The following SLC27A6 variants were observed in gnomAD, a reference collection of about 807,000 sequenced individuals.
The protein encoded by SLC27A6 is long-chain fatty acid transport protein 6.
SLC27A6 carries 74 observed loss-of-function variants against 63.9 expected under a neutral mutation model. The observed-to-expected ratio is 1.16, with a 90% CI of 0.96 to 1.40. The LOEUF is 1.40. SLC27A6 is among the 40% of genes most tolerant of loss of function. The probability of loss-of-function intolerance (pLI) is 0.00; values close to 1 mark genes in which losing one functional copy is unlikely to be tolerated. For synonymous variants in SLC27A6, 287 were observed against 260.8 expected, an observed-to-expected ratio of 1.10 and a Z score of -0.97; for missense variants, 794 against 732.9, an observed-to-expected ratio of 1.08 and a Z score of -0.96.
chr5:128,973,372 C>T (rs1170104390), intron 1 of SLC27A6, among the ~76,000 whole-genome samples: 1 of 152,178 alleles, frequency 6.6e-6, no homozygotes, highest in South Asian at 2.1e-4. Flanking sequence ...TGCCCTGCCC[C>T]CAGAGGTAGA....
chr5:128,992,468 C>T (rs1001288307), intron 4 of SLC27A6, among the ~76,000 whole-genome samples: 12 of 152,152 alleles, frequency 7.9e-5, no homozygotes, highest in African/African-American at 7.2e-5. Context: ...AACCTCCAGT[C>T]GAGCTTCTGA....
intron 4 of SLC27A6, among the ~76,000 whole-genome samples, chr5:128,994,171 A>C (rs1275528730): frequency 6.6e-6 from 1 of 152,096 alleles, no homozygotes. Context: ...TGTCTCAAAA[A>C]AAAAATTAAT....
Position 129,027,300 on chromosome 5 carries a change from T to A in SLC27A6, c.1423T>A (p.Tyr475Asn). ...AGTCCAGGATCAGGACAATTTCCTT[T>A]ATTTTTGGGACCGTACTGGAGACAC... is the stretch of plus-strand genomic sequence containing the variant. ...LIVQDQDNFLYFWDRTGDTFR... is the reference protein window; with the variant it reads ...LIVQDQDNFLNFWDRTGDTFR... Residue 475 changes from tyrosine (Y) to asparagine (N), a missense_variant, in exon 7 of 10, where the codon TAT becomes AAT. By Grantham distance (143) the Tyr-to-Asn change is moderately radical. Transcript: ENST00000262462. 1 of 1,612,900 alleles carries A rather than the reference T, an allele frequency of 6.2e-7. No homozygotes were observed. Among genetic ancestry groups the A allele is most frequent in the Non-Finnish European group, 8.5e-7 (1 of 1,179,138 alleles).
chr5:129,001,239 C>T (rs1751322253), intron 4 of SLC27A6, among the ~76,000 whole-genome samples: 1 of 152,180 alleles, frequency 6.6e-6, no homozygotes, highest in South Asian at 2.1e-4. Context: ...TCTCTCCCCA[C>T]ACCACTCCTT....
At chr5:128,972,138 A>C (rs1021615367) in intron 1 of SLC27A6, among the ~76,000 whole-genome samples, 14 of 152,172 alleles carry the variant, frequency 9.2e-5, no homozygotes, top group Non-Finnish European at 1.5e-4. Context: ...ATCAGCTGTT[A>C]GTCTGATGGG....
intron 4 of SLC27A6, among the ~76,000 whole-genome samples, chr5:129,001,497 A>T (rs1349396567): frequency 6.6e-6 from 1 of 152,182 alleles, no homozygotes; most frequent in African/African-American, 2.4e-5. Flanking sequence ...TATATATATA[A>T]TTGTGAGCAG....
At chr5:129,005,608 ATTTTT>A (rs34048257) in intron 4 of SLC27A6, among the ~76,000 whole-genome samples, 1 of 98,914 alleles carries the variant, frequency 1.0e-5, no homozygotes. Context: ...GTCTGGTTGT[ATTTTT>A]TTTTTTTTTT....
At chr5:128,995,492 A>G (rs2150139154) in intron 4 of SLC27A6, among the ~76,000 whole-genome samples, 2 of 152,366 alleles carry the variant, frequency 1.3e-5, no homozygotes, top group Middle Eastern at 6.8e-3. Flanking sequence ...AAAGGTTATG[A>G]AGAAACAAAA....
chr5:129,023,539 A>G, intron 5 of SLC27A6, 81 bp from the exon 6 acceptor site: 1 of 910,388 alleles, frequency 1.1e-6, no homozygotes, highest in Non-Finnish European at 1.7e-6. Flanking sequence ...CTACTACAGT[A>G]GACTAAATTG....
chr5:128,973,251 T>C (rs572344481), intron 1 of SLC27A6, among the ~76,000 whole-genome samples: 5 of 152,336 alleles, frequency 3.3e-5, no homozygotes, highest in Non-Finnish European at 4.4e-5. Context: ...GGAGGCAGTC[T>C]GTCGGTTCTC....
At chr5:128,999,657 C>T (rs971089541) in intron 4 of SLC27A6, among the ~76,000 whole-genome samples, 1 of 152,130 alleles carries the variant, frequency 6.6e-6, no homozygotes, top group Non-Finnish European at 1.5e-5. Context: ...TTGTTTACTC[C>T]AGCCTATCTG....
intron 3 of SLC27A6, among the ~76,000 whole-genome samples, chr5:128,989,517 A>G (rs1750902418): frequency 6.6e-6 from 1 of 152,232 alleles, no homozygotes. Context: ...ATTAAAAGAC[A>G]TTAAAATCTT....
chr5:128,994,104 G>T (rs1181985), intron 4 of SLC27A6, among the ~76,000 whole-genome samples: 49,454 of 151,638 alleles, frequency 0.33, 8,245 homozygotes, highest in Middle Eastern at 0.39. Flanking sequence ...TGAGGTGGAG[G>T]TTGTGTGAGC....
At chr5:128,991,761 C>T (rs1750991244) in intron 4 of SLC27A6, among the ~76,000 whole-genome samples, 1 of 150,950 alleles carries the variant, frequency 6.6e-6, no homozygotes, top group Non-Finnish European at 1.5e-5. Flanking sequence ...GCACTTGTCT[C>T]CTTAACTGAA....
At chr5:129,031,539 A>G (rs1241290985) in intron 9 of SLC27A6, among the ~76,000 whole-genome samples, 1 of 151,996 alleles carries the variant, frequency 6.6e-6, no homozygotes, top group African/African-American at 2.4e-5. Flanking sequence ...AACAGTTTGC[A>G]TATATTTTGA....
chr5:129,021,766 A>G lies in SLC27A6; in HGVS notation c.1165-1854A>G, dbSNP rs1488743451. Among the ~76,000 whole-genome samples, 5 of 152,346 alleles carry G rather than the reference A, an allele frequency of 3.3e-5. No individual in the cohort carries two copies. The East Asian group carries it at 9.6e-4, about 29-fold the overall frequency. On this transcript the variant is annotated intron_variant, in intron 5 of 9. Transcript: ENST00000262462. ...CAGTTGAGCATTAATCCTCTGCTCC[A>G]GAGTACTTCTAGAAAATGCTGTGAT...
intron 4 of SLC27A6, among the ~76,000 whole-genome samples, chr5:129,009,741 C>G (rs926439323): frequency 6.6e-6 from 1 of 152,076 alleles, no homozygotes; most frequent in Admixed American, 6.6e-5. Flanking sequence ...GTGGCGCGAT[C>G]TCGGCTCACT....
chr5:128,977,891 G>T (rs1020446566), intron 1 of SLC27A6, among the ~76,000 whole-genome samples: 4 of 152,136 alleles, frequency 2.6e-5, no homozygotes, highest in Non-Finnish European at 5.9e-5. Context: ...CCCCAACATT[G>T]TTCTGTTTGT....
chr5:129,010,637 G>A (rs377172891), intron 4 of SLC27A6, among the ~76,000 whole-genome samples: 2 of 152,120 alleles, frequency 1.3e-5, no homozygotes, highest in South Asian at 2.1e-4. Flanking sequence ...TCTAAGAGCA[G>A]CCCCCAGCTG....
Sources: allele counts gnomAD v4.1 joint callset (sites outside exome capture counted in the v4.1 genomes callset), GRCh38; gene constraint gnomAD v4.1.1; transcripts MANE v1.5; gene names NCBI Gene and HGNC (gene_info 2026-07-23, HGNC 2026-07-21).